The following AP5Z1 variants were observed in gnomAD, a reference collection of about 807,000 sequenced individuals.
AP5Z1 encodes the protein AP-5 complex subunit zeta-1.
Under a neutral mutation model 83.0 loss-of-function variants are expected in AP5Z1, and 106 were observed. The ratio of observed to expected loss-of-function variants is 1.28; its 90% CI spans 1.09 to 1.50. AP5Z1 has a LOEUF of 1.50. AP5Z1 is among the 40% of genes most tolerant of loss of function. AP5Z1 has a pLI of 0.00. For synonymous variants in AP5Z1, 751 were observed against 514.1 expected (o/e 1.46, Z -6.23); for missense variants, 1,565 against 1,094.2 (o/e 1.43, Z -6.07).
chr7:4,788,228 G>A lies in AP5Z1; in HGVS notation c.1529G>A (p.Arg510Gln), dbSNP rs77890266. ...LRAPSCLEAF[R>Q]DPQFQGLFQY... ...GCCCCCAGCTGCCTGGAGGCCTTCC[G>A]GGACCCGCAGTTCCAGGGTCTTTTC... Residue 510 changes from arginine to glutamine, a missense_variant, in exon 12 of 17, where the codon CGG (arginine) becomes CAG (glutamine). By Grantham distance (43) the Arg-to-Gln change is conservative (BLOSUM62 1). Transcript: ENST00000649063. 0.021 allele frequency: 32,637 copies of A among 1,574,254 alleles called. 434 individuals carry two copies. The highest frequency in any genetic ancestry group is 0.049 in the Middle Eastern group (242 of 4,972).
chr7:4,777,353 C>CTTCATTTA lies in AP5Z1; in HGVS notation c.41+1599_41+1600insCATTTATT, dbSNP rs369481207. Reference sequence around the variant, plus strand: ...CATGAAAAACAAAAGGAAGAGCCCTCTTTATTTATTTATTTATTTATTTAT... The same window carrying CTTCATTTA: ...CATGAAAAACAAAAGGAAGAGCCCTCTTCATTTATTTATTTATTTATTTATTTATTTAT... On this transcript the variant is annotated intron_variant, in intron 1 of 16. Transcript: ENST00000649063. 3.5e-3 allele frequency among the ~76,000 whole-genome samples: 519 copies of CTTCATTTA among 148,952 alleles called. 2 individuals carry two copies. Among genetic ancestry groups the CTTCATTTA allele is most frequent in the African/African-American group, 0.013 (501 of 39,894 alleles).
At chr7:4,790,279 A>G (rs1386182083) in intron 14 of AP5Z1, 180 bp from the exon 15 acceptor site, 2 of 1,543,908 alleles carry the variant, frequency 1.3e-6, no homozygotes, top group Non-Finnish European at 8.7e-7. Context: ...CGCTGGTGCC[A>G]GCCTTCTCCC....
intron 16 of AP5Z1, 49 bp downstream of exon 16, chr7:4,790,936 G>C: frequency 2.0e-6 from 3 of 1,525,832 alleles, no homozygotes; most frequent in South Asian, 1.2e-5. Context: ...GGGGAAGAGA[G>C]GTGGCTTCTG....
intron 11 of AP5Z1, 145 bp downstream of exon 11, chr7:4,787,921 C>G (rs557708260): frequency 4.0e-5 from 49 of 1,209,922 alleles, no homozygotes; most frequent in Admixed American, 1.1e-4. Context: ...CCTGCAAAGC[C>G]ACCTCTAGGA....
rs534373877 is a variant in AP5Z1, at chr7:4,794,223, A to G, written c.*2838A>G. ...TAGCTCAGGGATTGTAAACGCACCA[A>G]TCAGCACCCTGTCAAAACAGACCAC... is the stretch of plus-strand genomic sequence containing the variant. On this transcript the variant is annotated 3_prime_UTR_variant, in exon 17 of 17. Transcript: ENST00000649063. 1.3e-5 allele frequency: 2 copies of G among 152,204 alleles called. No individual in the cohort carries two copies. Among genetic ancestry groups the G allele is most frequent in the African/African-American group, 2.4e-5 (1 of 41,438 alleles). The allele number at this position is 152,204 out of a possible 1,614,324, so 9.4% of individuals were successfully genotyped here. A position where few individuals can be genotyped will look rare whatever the true frequency, so the allele number is the denominator to read the frequency against.
At position 4,790,743 on chromosome 7, in the gene AP5Z1, T is replaced by A; in HGVS notation, c.2009T>A (p.Phe670Tyr). ...RRCTVEQINK[F>Y]FEALEALLFE... is the part of the protein sequence containing the mutation. ...TGCACCGTGGAGCAGATCAACAAGT[T>A]CTTCGAAGCCCTGGAGGCTCTGCTA... Residue 670 changes from phenylalanine (F) to tyrosine (Y), a missense_variant, in exon 16 of 17, where the codon TTC (phenylalanine) becomes TAC (tyrosine). By Grantham distance (22) the Phe-to-Tyr change is conservative. Coordinates refer to ENST00000649063, the MANE Select transcript of AP5Z1 (RefSeq NM_014855.3). The A allele has an allele frequency of 1.9e-6, 3 of 1,610,018 alleles. No homozygotes were observed. The highest frequency in any genetic ancestry group is 2.5e-6 in the Non-Finnish European group (3 of 1,179,042).
rs1241449679 is a variant in AP5Z1 at position 4,794,221 on chromosome 7, C to T, written c.*2836C>T. On this transcript the variant is annotated 3_prime_UTR_variant, in exon 17 of 17. Transcript: ENST00000649063. ...TCTAGCTCAGGGATTGTAAACGCAC[C>T]AATCAGCACCCTGTCAAAACAGACC... 6.6e-6 allele frequency: 1 copy of T among 152,174 alleles called. No homozygotes were observed. Among genetic ancestry groups the T allele is most frequent in the Non-Finnish European group, 1.5e-5 (1 of 68,068 alleles). 9.4% of individuals were successfully genotyped at this position (152,174 alleles called of 1,614,324 possible).
rs746432998 is a variant in AP5Z1 at position 4,789,841 on chromosome 7, G to A, written c.1717G>A (p.Gly573Arg). The A allele has an allele frequency of 5.2e-5, 81 of 1,552,034 alleles. No individual in the cohort carries two copies. Among genetic ancestry groups the A allele is most frequent in the East Asian group, 7.3e-5 (3 of 41,040 alleles). ...CACTCCTGACCCCCAGGTGGCTGAC[G>A]GGTCCCTGATCAACCAGCTGGCGCT... is the stretch of plus-strand genomic sequence containing the variant. ...FFSAVTQVAD[G>R]SLINQLALLL... Residue 573 changes from glycine to arginine, a missense_variant, in exon 14 of 17, where the codon GGG (glycine) becomes AGG (arginine). Transcript: ENST00000649063.
At position 4,788,272 on chromosome 7, in the gene AP5Z1, A is replaced by C. The variant is rs186003800; in HGVS notation, c.1573A>C (p.Lys525Gln). 974 of 1,592,118 alleles carry C rather than the reference A, an allele frequency of 6.1e-4. 5 individuals are homozygous for C. Among genetic ancestry groups the C allele is most frequent in the Middle Eastern group, 5.0e-3 (24 of 4,774 alleles). ...QGLFQYLLRPKASGATERLAP... is the reference protein window; with the variant it reads ...QGLFQYLLRPQASGATERLAP... ...TCTTTTCCAATACCTGCTGCGCCCCAAGGCCAGTGGCGCCACTGAGAGGTA... is the reference window on the plus strand; with the variant it reads ...TCTTTTCCAATACCTGCTGCGCCCCCAGGCCAGTGGCGCCACTGAGAGGTA... The change falls in exon 12 of 17, where the codon AAG becomes CAG. Residue 525 changes from lysine to glutamine, a missense_variant. By Grantham distance (53) the Lys-to-Gln change is moderately conservative. Coordinates refer to ENST00000649063, the MANE Select transcript of AP5Z1 (RefSeq NM_014855.3).
intron 1 of AP5Z1, 70 bp from the exon 2 acceptor site, chr7:4,781,105 C>T: frequency 6.4e-7 from 1 of 1,570,340 alleles, no homozygotes; most frequent in Admixed American, 1.8e-5. Context: ...TTCCCTGCTC[C>T]AAGGGTTATC....
Position 4,789,869 on chromosome 7 carries a change from TGCTCCTGGGCAGGAGCGACTC to T in AP5Z1, c.1750_1770del (p.Leu584_Leu590del), listed in dbSNP as rs1330847167. 1.9e-6 allele frequency: 3 copies of T among 1,553,106 alleles called. No individual in the cohort carries two copies. The African/African-American group carries it at 4.1e-5, about 21-fold the overall frequency. ...TCCCTGATCAACCAGCTGGCGCTGC[TGCTCCTGGGCAGGAGCGACTC>T]GCTCTACCCGGCCCCAGGGTACGCT... On this transcript the variant is annotated inframe_deletion, in exon 14 of 17. Transcript: ENST00000649063.
chr7:4,785,570 C>G lies in AP5Z1; in HGVS notation c.1018C>G (p.Pro340Ala), dbSNP rs561646689. ...LVLDVLCRQD[P>A]SFLYRSLSCL... is the part of the protein sequence containing the mutation. Reference sequence around the variant, plus strand: ...GCTGGACGTGCTGTGCCGGCAGGACCCGTCCTTCCTGTACCGAAGTCTCTC... The same window carrying G: ...GCTGGACGTGCTGTGCCGGCAGGACGCGTCCTTCCTGTACCGAAGTCTCTC... The change falls in exon 9 of 17, where the codon CCG becomes GCG. Residue 340 changes from proline (P) to alanine (A), a missense_variant. By Grantham distance (27) the Pro-to-Ala change is conservative. Coordinates refer to ENST00000649063, the MANE Select transcript of AP5Z1 (RefSeq NM_014855.3). 6.2e-7 allele frequency: 1 copy of G among 1,609,458 alleles called. No individual in the cohort carries two copies. Among genetic ancestry groups the G allele is most frequent in the Non-Finnish European group, 8.5e-7 (1 of 1,178,688 alleles).
At position 4,785,430 on chromosome 7, in the gene AP5Z1, G is replaced by C. The variant is rs1482873652; in HGVS notation, c.947G>C (p.Gly316Ala). 2.5e-6 allele frequency: 4 copies of C among 1,613,266 alleles called. No homozygotes were observed. In the African/African-American group the frequency reaches 5.3e-5, roughly 22 times the overall value. Residue 316 changes from glycine to alanine, a missense_variant, in exon 8 of 17, where the codon GGG (glycine) becomes GCG (alanine). Coordinates refer to ENST00000649063, the MANE Select transcript of AP5Z1 (RefSeq NM_014855.3). ...EQSNRRALRK[G>A]DSDLQKACLV... ...CTCCTTCCAGGAGCCCTGAGGAAGG[G>C]GGACTCCGACCTGCAGAAAGCTGTA...
chr7:4,784,407 G>A (rs1009551473), intron 6 of AP5Z1, 36 bp downstream of exon 6: 1 of 1,556,152 alleles, frequency 6.4e-7, no homozygotes, highest in Non-Finnish European at 8.7e-7. Context: ...AGACAGGGGT[G>A]GGAGGTGGGC....
intron 11 of AP5Z1, 30 bp from the exon 12 acceptor site, chr7:4,788,124 C>T (rs1781615471): frequency 5.3e-6 from 8 of 1,500,412 alleles, no homozygotes; most frequent in Admixed American, 4.5e-5. Flanking sequence ...GGCCGCATCC[C>T]AGCCTGGCCT....
Position 4,784,980 on chromosome 7 carries a change from CG to C in AP5Z1, c.864del (p.Arg290GlyfsTer24). The C allele has an allele frequency of 6.2e-7, 1 of 1,612,226 alleles. No homozygotes were observed. Among genetic ancestry groups the C allele is most frequent in the Non-Finnish European group, 8.5e-7 (1 of 1,179,512 alleles). On this transcript the variant is annotated frameshift_variant, in exon 7 of 17. Transcript: ENST00000649063. LOFTEE classifies it high-confidence loss of function. ...SATSSAGRLL[P>X]PRERLREVAF... ...ACCTCCTCTGCCGGCCGCCTGCTGCCGCCCCGGGAGCGGCTTCGGGAGGTGG... is the reference window on the plus strand; with the variant it reads ...ACCTCCTCTGCCGGCCGCCTGCTGCCCCCCGGGAGCGGCTTCGGGAGGTGG...
At position 4,793,086 on chromosome 7, in the gene AP5Z1, C is replaced by G. The variant is rs80311758; in HGVS notation, c.*1701C>G. On this transcript the variant is annotated 3_prime_UTR_variant, in exon 17 of 17. Transcript: ENST00000649063. ...AGTCCGCAGCCTGTGCAGCAGCGCC[C>G]GGCTTAGGACTGGGAGTGTGACTTG... 14,101 of 152,336 alleles carry G rather than the reference C, an allele frequency of 0.093. 1,521 individuals carry two copies. Among genetic ancestry groups the G allele is most frequent in the African/African-American group, 0.27 (11,060 of 41,484 alleles). The allele number at this position is 152,336 out of a possible 1,614,324, so 9.4% of individuals were successfully genotyped here.
chr7:4,776,865 GAGC>G (rs1430485361), intron 1 of AP5Z1, among the ~76,000 whole-genome samples: 1 of 152,182 alleles, frequency 6.6e-6, no homozygotes, highest in Non-Finnish European at 1.5e-5. Flanking sequence ...AGGGTGCAGT[GAGC>G]CAAGATCGCA....
At chr7:4,791,070 G>A in intron 16 of AP5Z1, 45 bp from the exon 17 acceptor site, 1 of 1,523,152 alleles carries the variant, frequency 6.6e-7, no homozygotes. Flanking sequence ...CCCCTGTCCT[G>A]GGAGGGGAGC....
Sources: allele counts gnomAD v4.1 joint callset (sites outside exome capture counted in the v4.1 genomes callset), GRCh38; gene constraint gnomAD v4.1.1; transcripts MANE v1.5; gene names NCBI Gene and HGNC (gene_info 2026-07-23, HGNC 2026-07-21).